The following CAMTA1 variants were observed in gnomAD, a reference collection of about 807,000 sequenced individuals.
The protein encoded by CAMTA1 is calmodulin-binding transcription activator 1.
In CAMTA1, 27 loss-of-function variants were observed where a neutral mutation model predicts 170.9. That is an observed-to-expected ratio of 0.16 (90% CI 0.12 to 0.22). CAMTA1 has a LOEUF of 0.22. CAMTA1 is among the 10% of genes least tolerant of loss of function. The probability of loss-of-function intolerance (pLI) is 1.00; values close to 1 mark genes in which losing one functional copy is unlikely to be tolerated. For synonymous variants in CAMTA1, 833 were observed against 891.5 expected (o/e 0.93, Z 1.17); for missense variants, 1,619 against 2,217.2 (o/e 0.73, Z 5.42).
intron 20 of CAMTA1, 96 bp from the exon 21 acceptor site, chr1:7,752,363 A>G: frequency 9.8e-7 from 1 of 1,019,594 alleles, no homozygotes; most frequent in Admixed American, 1.8e-5. Context: ...TGCTACACGA[A>G]CTGCTTAATT....
At chr1:7,551,134 G>T (rs1308522165) in intron 6 of CAMTA1, among the ~76,000 whole-genome samples, 4 of 152,160 alleles carry the variant, frequency 2.6e-5, no homozygotes, top group Admixed American at 6.5e-5. Flanking sequence ...TTACTCACTA[G>T]TCCCTCCTGG....
chr1:7,492,927 A>G (rs1203613819), intron 6 of CAMTA1, among the ~76,000 whole-genome samples: 2 of 125,852 alleles, frequency 1.6e-5, no homozygotes, highest in African/African-American at 3.0e-5. Context: ...AAACCTGCAA[A>G]CACACACGCA....
chr1:7,354,933 G>C (rs2084978427), intron 5 of CAMTA1, among the ~76,000 whole-genome samples: 1 of 152,132 alleles, frequency 6.6e-6, no homozygotes, highest in Non-Finnish European at 1.5e-5. Flanking sequence ...TGGGTTCAGT[G>C]GCTCACACCT....
intron 20 of CAMTA1, 142 bp from the exon 21 acceptor site, chr1:7,752,317 C>A: frequency 2.8e-6 from 2 of 712,554 alleles, no homozygotes; most frequent in Non-Finnish European, 5.0e-6. Flanking sequence ...CATCCCCCTT[C>A]AGATTGTATA....
At chr1:7,444,079 C>A (rs2092620575) in intron 5 of CAMTA1, among the ~76,000 whole-genome samples, 1 of 152,190 alleles carries the variant, frequency 6.6e-6, no homozygotes, top group South Asian at 2.1e-4. Context: ...TCAGAGGAAA[C>A]CCGCTGGTGC....
At position 7,069,600 on chromosome 1, in the gene CAMTA1, C is replaced by G. The variant is rs534142996; in HGVS notation, c.235-21704C>G. Among the ~76,000 whole-genome samples, 3 of 152,188 alleles carry G rather than the reference C, an allele frequency of 2.0e-5. No individual in the cohort carries two copies. In the South Asian group the frequency reaches 6.2e-4, roughly 32 times the overall value. ...CAGGGACCACAGGGTCTGTCTGCCT[C>G]TCCGTAGGGTGGGCTGTGGGTAGTG... On this transcript the variant is annotated intron_variant, in intron 3 of 22. Transcript: ENST00000303635.
chr1:6,879,021 G>A (rs1034352143), intron 3 of CAMTA1, among the ~76,000 whole-genome samples: 1 of 152,162 alleles, frequency 6.6e-6, no homozygotes, highest in Non-Finnish European at 1.5e-5. Flanking sequence ...TAGAGGCTAG[G>A]AGAGTAATTT....
chr1:7,569,699 CCAT>C (rs1250771628), intron 6 of CAMTA1, among the ~76,000 whole-genome samples: 3 of 151,652 alleles, frequency 2.0e-5, no homozygotes, highest in Non-Finnish European at 4.4e-5. Flanking sequence ...TCCAACATCA[CCAT>C]CATCATCACC....
At chr1:7,646,984 A>G (rs941788729) in intron 7 of CAMTA1, among the ~76,000 whole-genome samples, 1 of 152,202 alleles carries the variant, frequency 6.6e-6, no homozygotes, top group African/African-American at 2.4e-5. Flanking sequence ...CCGAGACACC[A>G]CACCGTTTCC....
intron 3 of CAMTA1, among the ~76,000 whole-genome samples, chr1:6,906,068 C>T (rs954633733): frequency 6.6e-6 from 1 of 152,124 alleles, no homozygotes; most frequent in East Asian, 1.9e-4. Context: ...ATCGTGAGCC[C>T]TCCAAGTCAC....
chr1:6,833,299 C>T (rs1570639181), intron 3 of CAMTA1, among the ~76,000 whole-genome samples: 2 of 152,002 alleles, frequency 1.3e-5, no homozygotes, highest in East Asian at 3.8e-4. Flanking sequence ...CTTAACCTGG[C>T]CATAGTCAGT....
chr1:7,410,753 G>A (rs1364219869), intron 5 of CAMTA1, among the ~76,000 whole-genome samples: 1 of 152,172 alleles, frequency 6.6e-6, no homozygotes, highest in Admixed American at 6.5e-5. Context: ...CCTGAAGCTT[G>A]CAGGCGCTTT....
intron 6 of CAMTA1, among the ~76,000 whole-genome samples, chr1:7,506,906 T>G (rs182867592): frequency 1.8e-4 from 28 of 152,176 alleles, no homozygotes; most frequent in African/African-American, 6.0e-4. Flanking sequence ...TATCTCTTGC[T>G]CACACTCAAA....
intron 5 of CAMTA1, among the ~76,000 whole-genome samples, chr1:7,413,792 G>T (rs970029942): frequency 4.6e-5 from 7 of 152,068 alleles, no homozygotes; most frequent in South Asian, 2.1e-4. Context: ...TCCAACACTA[G>T]GTTGAATAGG....
In CAMTA1 at chr1:7,465,045, C is replaced by T. The variant is rs535549671; in HGVS notation, c.439-2785C>T. On this transcript the variant is annotated intron_variant, in intron 5 of 22. Coordinates refer to ENST00000303635, the MANE Select transcript of CAMTA1 (RefSeq NM_015215.4). ...AAACTGAAGCTCAACCCTTTAAGCC[C>T]TAAATGTAGAGCCATTTTTCAAGGT... is the stretch of plus-strand genomic sequence containing the variant. Among the ~76,000 whole-genome samples, 17 of 152,294 alleles carry T rather than the reference C, an allele frequency of 1.1e-4. No homozygotes were observed. The South Asian group carries it at 3.5e-3, about 32-fold the overall frequency.
Position 6,825,072 on chromosome 1 carries a change from T to C in CAMTA1, c.116-20T>C, listed in dbSNP as rs1646957180. ...TTTTATCTATTATTTTCTCTAAATT[T>C]ATTGTTTTCTTCTTTGTAGATGATC... On this transcript the variant is annotated intron_variant, in intron 2 of 22. Transcript: ENST00000303635. 2 of 1,363,496 alleles carry C rather than the reference T, an allele frequency of 1.5e-6. No individual in the cohort carries two copies. Among genetic ancestry groups the C allele is most frequent in the Non-Finnish European group, 2.1e-6 (2 of 973,314 alleles). The allele number at this position is 1,363,496 out of a possible 1,614,324, so 84.5% of individuals were successfully genotyped here.
intron 3 of CAMTA1, among the ~76,000 whole-genome samples, chr1:7,058,766 T>G (rs985852093): frequency 6.6e-6 from 1 of 152,126 alleles, no homozygotes; most frequent in Non-Finnish European, 1.5e-5. Flanking sequence ...ACTAGCACAT[T>G]CTAGCTGTTA....
At chr1:7,103,858 C>CCT (rs1558103131) in intron 4 of CAMTA1, among the ~76,000 whole-genome samples, 1 of 148,984 alleles carries the variant, frequency 6.7e-6, no homozygotes, top group Non-Finnish European at 1.5e-5. Context: ...ACACAACACA[C>CCT]ATACACACAC....
chr1:7,736,546 G>C lies in CAMTA1; in HGVS notation c.3263+6G>C. On this transcript the variant is annotated splice_donor_region_variant and intron_variant, in intron 13 of 22. Coordinates refer to ENST00000303635, the MANE Select transcript of CAMTA1 (RefSeq NM_015215.4). The surrounding 1 kb of genome is among the most constrained non-coding windows in gnomAD (Gnocchi z 4.5). ...CAGACCCTCATCAAATGGCGGTAAG[G>C]CTGTGGTGCAGCTGGCTGGGGGTCA... 6.2e-7 allele frequency: 1 copy of C among 1,613,300 alleles called. No homozygotes were observed. Among genetic ancestry groups the C allele is most frequent in the Non-Finnish European group, 8.5e-7 (1 of 1,179,334 alleles).
Sources: gnomAD v4.1 joint callset for allele counts (sites outside exome capture counted in the v4.1 genomes callset) on GRCh38, gnomAD v4.1.1 for gene constraint, Gnocchi (gnomAD v3.1) non-coding constraint, MANE v1.5 for transcripts, NCBI Gene and HGNC (gene_info 2026-07-23, HGNC 2026-07-21) for gene names.